Variants in LRBA observed in about 807,000 individuals in gnomAD.
LRBA encodes lipopolysaccharide-responsive and beige-like anchor protein.
A neutral mutation model predicts 330.0 loss-of-function variants in LRBA; 176 were observed. That is an observed-to-expected ratio of 0.53 (90% CI 0.47 to 0.60). The LOEUF (loss-of-function observed/expected upper bound fraction) is 0.60, where lower values mean the gene tolerates loss of function less well. Ranked by LOEUF, LRBA falls within the 20% of genes least tolerant of loss-of-function variation. The pLI, the probability that LRBA is intolerant of heterozygous loss-of-function variation, is 0.00. For synonymous variants in LRBA, 1,230 were observed against 1,193.0 expected, an observed-to-expected ratio of 1.03 and a Z score of -0.64; for missense variants, 3,259 against 3,444.8, an observed-to-expected ratio of 0.95 and a Z score of 1.35.
chr4:150,634,020 C>T (rs1777644075), intron 37 of LRBA, among the ~76,000 whole-genome samples: 1 of 152,058 alleles, frequency 6.6e-6, no homozygotes, highest in Non-Finnish European at 1.5e-5. Context: ...ATGGCTGAGC[C>T]AGGAAAATCA....
chr4:150,748,482 C>T (rs1048475767), intron 35 of LRBA, among the ~76,000 whole-genome samples: 1 of 152,090 alleles, frequency 6.6e-6, no homozygotes, highest in African/African-American at 2.4e-5. Flanking sequence ...GCCTGGCCAA[C>T]ATGGTGAAAC....
chr4:150,458,305 A>G (rs1276634556), intron 44 of LRBA, among the ~76,000 whole-genome samples: 1 of 151,920 alleles, frequency 6.6e-6, no homozygotes, highest in Non-Finnish European at 1.5e-5. Context: ...ATACATATAT[A>G]TTCCTTAAAT....
At chr4:150,517,249 C>T (rs1762446425) in intron 40 of LRBA, among the ~76,000 whole-genome samples, 1 of 152,130 alleles carries the variant, frequency 6.6e-6, no homozygotes, top group Non-Finnish European at 1.5e-5. Flanking sequence ...TTGCCAGGCA[C>T]AGCGGCTCAC....
chr4:150,271,531 G>T (rs2884833), intron 56 of LRBA, among the ~76,000 whole-genome samples: 206 of 90,844 alleles, frequency 2.3e-3, no homozygotes, highest in Non-Finnish European at 2.8e-3. Flanking sequence ...TTGGTGGGGG[G>T]AGGAGCAGCC....
intron 40 of LRBA, among the ~76,000 whole-genome samples, chr4:150,523,089 G>A (rs1330961020): frequency 6.6e-6 from 1 of 152,214 alleles, no homozygotes; most frequent in Non-Finnish European, 1.5e-5. Context: ...AGTCTGACTT[G>A]GATGGCATCT....
intron 48 of LRBA, among the ~76,000 whole-genome samples, chr4:150,338,150 C>T (rs1267627599): frequency 6.6e-6 from 1 of 152,088 alleles, no homozygotes; most frequent in Non-Finnish European, 1.5e-5. Flanking sequence ...GGAAAACCAA[C>T]CACTGACACT....
chr4:150,885,447 C>A (rs1443256349), intron 17 of LRBA, among the ~76,000 whole-genome samples: 1 of 151,840 alleles, frequency 6.6e-6, no homozygotes, highest in Non-Finnish European at 1.5e-5. Context: ...ACAGTGAAAC[C>A]CCATCTCTAC....
chr4:150,548,462 G>A (rs1194837056), intron 40 of LRBA, among the ~76,000 whole-genome samples: 3 of 151,952 alleles, frequency 2.0e-5, no homozygotes, highest in East Asian at 3.9e-4. Flanking sequence ...AATTAATCTC[G>A]CAAATGTCTA....
At chr4:150,833,106 G>C (rs1347328082) in intron 28 of LRBA, among the ~76,000 whole-genome samples, 1 of 151,652 alleles carries the variant, frequency 6.6e-6, no homozygotes, top group Non-Finnish European at 1.5e-5. Context: ...ATTTAAAATA[G>C]TACAAACAAT....
At chr4:150,895,218 CAT>C (rs1018504612) in intron 16 of LRBA, among the ~76,000 whole-genome samples, 1 of 151,998 alleles carries the variant, frequency 6.6e-6, no homozygotes, top group African/African-American at 2.4e-5. Flanking sequence ...TTGCAACTGA[CAT>C]ATATTGCATT....
chr4:150,455,384 A>G (rs949768442), intron 44 of LRBA, among the ~76,000 whole-genome samples: 6 of 151,914 alleles, frequency 3.9e-5, no homozygotes, highest in African/African-American at 1.2e-4. Flanking sequence ...AACCAACCCA[A>G]ATGTCCAACA....
intron 46 of LRBA, among the ~76,000 whole-genome samples, chr4:150,432,357 G>A (rs1430448172): frequency 7.3e-6 from 1 of 136,158 alleles, no homozygotes; most frequent in Non-Finnish European, 1.6e-5. Context: ...AAATAAAGTT[G>A]ACAATTATAA....
In LRBA at chr4:150,458,199, T is replaced by C. The variant is rs76329711; in HGVS notation, c.6780+9474A>G. ...ATACAGAGTACTAATGCTTAAAAGA[T>C]GTAAGTTTCGAAACACAGCCATACA... On this transcript the variant is annotated intron_variant, in intron 44 of 56. Coordinates refer to ENST00000651943, the MANE Select transcript of LRBA (RefSeq NM_001364905.1). 1.7e-3 allele frequency among the ~76,000 whole-genome samples: 254 copies of C among 152,070 alleles called. 5 individuals are homozygous for C. The East Asian group carries it at 0.035, about 21-fold the overall frequency.
intron 36 of LRBA, among the ~76,000 whole-genome samples, chr4:150,710,411 G>C (rs1352540280): frequency 6.6e-6 from 1 of 152,074 alleles, no homozygotes; most frequent in Non-Finnish European, 1.5e-5. Context: ...CAAGTATACA[G>C]TGGTATCACA....
chr4:150,336,399 CTTG>C lies in LRBA; in HGVS notation c.7363-10504_7363-10502del, dbSNP rs1473752516. ...TCATTTAGTATTAATTAAATACAAA[CTTG>C]TTTAAGTAAATAATGTGTTTTCCTC... is the stretch of plus-strand genomic sequence containing the variant. On this transcript the variant is annotated intron_variant, in intron 48 of 56. Coordinates refer to ENST00000651943, the MANE Select transcript of LRBA (RefSeq NM_001364905.1). Among the ~76,000 whole-genome samples the C allele has an allele frequency of 2.0e-5, 3 of 152,066 alleles. No individual in the cohort carries two copies. The East Asian group carries it at 5.8e-4, about 29-fold the overall frequency.
At chr4:150,934,595 G>A (rs935632089) in intron 2 of LRBA, among the ~76,000 whole-genome samples, 13 of 152,132 alleles carry the variant, frequency 8.5e-5, no homozygotes, top group African/African-American at 3.1e-4. Context: ...AAAATGGCTG[G>A]GTGCGGTGGC....
At chr4:150,298,342 A>G (rs1729221467) in intron 53 of LRBA, among the ~76,000 whole-genome samples, 1 of 152,148 alleles carries the variant, frequency 6.6e-6, no homozygotes, top group South Asian at 2.1e-4. Flanking sequence ...TAGTATTTAT[A>G]GTCACATGGC....
chr4:150,703,701 G>T (rs1469220818), intron 36 of LRBA, among the ~76,000 whole-genome samples: 1 of 152,082 alleles, frequency 6.6e-6, no homozygotes, highest in Non-Finnish European at 1.5e-5. Context: ...TCTCCTACAT[G>T]ATTGTAATAA....
chr4:150,469,597 A>G (rs1755844434), intron 43 of LRBA, among the ~76,000 whole-genome samples: 1 of 152,190 alleles, frequency 6.6e-6, no homozygotes, highest in Non-Finnish European at 1.5e-5. Context: ...TACTAAATTC[A>G]ACATAACCAT....
Sources: gnomAD v4.1 joint callset for allele counts (sites outside exome capture counted in the v4.1 genomes callset) on GRCh38, gnomAD v4.1.1 for gene constraint, MANE v1.5 for transcripts, NCBI Gene and HGNC (gene_info 2026-07-23, HGNC 2026-07-21) for gene names.